Variants in MCTP1 observed in about 807,000 individuals in gnomAD.
The protein encoded by MCTP1 is multiple C2 and transmembrane domain-containing protein 1.
Under a neutral mutation model 120.6 loss-of-function variants are expected in MCTP1, and 69 were observed. That is an observed-to-expected ratio of 0.57 (90% CI 0.47 to 0.70). MCTP1 has a LOEUF of 0.70. Among genes scored for constraint, MCTP1 ranks in the 30% least tolerant of loss-of-function variants. The pLI is 0.00. For missense variants in MCTP1, 1,203 were observed against 1,248.8 expected, an observed-to-expected ratio of 0.96 and a Z score of 0.55; for synonymous variants, 529 against 493.1, an observed-to-expected ratio of 1.07 and a Z score of -0.96.
intron 1 of MCTP1, among the ~76,000 whole-genome samples, chr5:95,214,487 C>T (rs1239687730): frequency 6.6e-6 from 1 of 152,098 alleles, no homozygotes; most frequent in Non-Finnish European, 1.5e-5. Context: ...ACTAGAAATA[C>T]CATTTGACCT....
At chr5:94,721,554 T>A (rs758529751) in intron 19 of MCTP1, among the ~76,000 whole-genome samples, 26 of 152,160 alleles carry the variant, frequency 1.7e-4, no homozygotes, top group Non-Finnish European at 3.2e-4. Flanking sequence ...GGGATAAAAT[T>A]TTCCTTTTAA....
Position 94,960,933 on chromosome 5 carries a change from A to G in MCTP1, c.839-7572T>C, listed in dbSNP as rs569151502. Among the ~76,000 whole-genome samples, 6 of 152,302 alleles carry G rather than the reference A, an allele frequency of 3.9e-5. No individual in the cohort carries two copies. In the South Asian group the frequency reaches 1.2e-3, roughly 32 times the overall value. ...AATCCTATTACTGGGTATATACCCA[A>G]AGGATTATAAATCATTCTACTATAA... On this transcript the variant is annotated intron_variant, in intron 2 of 22. Transcript: ENST00000515393.
chr5:94,910,206 A>G (rs1311018254), intron 9 of MCTP1, among the ~76,000 whole-genome samples: 1 of 151,574 alleles, frequency 6.6e-6, no homozygotes, highest in Non-Finnish European at 1.5e-5. Context: ...ATATGTATAT[A>G]TACATATATG....
chr5:95,274,863 T>C (rs952949031), intron 1 of MCTP1, among the ~76,000 whole-genome samples: 2 of 152,088 alleles, frequency 1.3e-5, no homozygotes, highest in South Asian at 4.1e-4. Flanking sequence ...GACCTCGTGA[T>C]CCGCCCGCCT....
chr5:95,204,629 A>C (rs560395483), intron 1 of MCTP1, among the ~76,000 whole-genome samples: 4 of 152,316 alleles, frequency 2.6e-5, no homozygotes, highest in African/African-American at 7.2e-5. Context: ...GAAAACCCTA[A>C]GGAATCCACT....
chr5:95,047,451 T>G lies in MCTP1; in HGVS notation c.721-29967A>C, dbSNP rs983353197. Among the ~76,000 whole-genome samples, 3 of 152,126 alleles carry G rather than the reference T, an allele frequency of 2.0e-5. No homozygotes were observed. In the South Asian group the frequency reaches 6.2e-4, roughly 32 times the overall value. ...AGCCCTTAATTGGTAATACATGGTG[T>G]GTCATGACTGCCTGACCACTACTGA... On this transcript the variant is annotated intron_variant, in intron 1 of 22. Transcript: ENST00000515393.
chr5:95,213,075 T>C (rs1752592409), intron 1 of MCTP1, among the ~76,000 whole-genome samples: 1 of 152,124 alleles, frequency 6.6e-6, no homozygotes, highest in Non-Finnish European at 1.5e-5. Context: ...AGTCAAATTG[T>C]CCCTGTTTGC....
chr5:95,249,690 A>G (rs983901762), intron 1 of MCTP1, among the ~76,000 whole-genome samples: 2 of 152,206 alleles, frequency 1.3e-5, no homozygotes, highest in Non-Finnish European at 2.9e-5. Flanking sequence ...TCATGCTACT[A>G]TAAAGACTCT....
At chr5:95,038,450 C>T (rs531501861) in intron 1 of MCTP1, among the ~76,000 whole-genome samples, 9 of 152,122 alleles carry the variant, frequency 5.9e-5, no homozygotes, top group Non-Finnish European at 1.2e-4. Context: ...ATCTATAGTG[C>T]AGAAGAATTC....
At chr5:95,104,175 C>A (rs72779440) in intron 1 of MCTP1, among the ~76,000 whole-genome samples, 7,568 of 152,210 alleles carry the variant, frequency 0.05, 237 homozygotes, top group Non-Finnish European at 0.078. Context: ...AGACTTACCC[C>A]CCCTCCCAAG....
intron 17 of MCTP1, among the ~76,000 whole-genome samples, chr5:94,811,795 C>T (rs1361053953): frequency 6.6e-6 from 1 of 152,140 alleles, no homozygotes; most frequent in Non-Finnish European, 1.5e-5. Flanking sequence ...AGAAAAATCT[C>T]TCCTATCATT....
chr5:95,231,899 C>T (rs1754992793), intron 1 of MCTP1, among the ~76,000 whole-genome samples: 1 of 152,032 alleles, frequency 6.6e-6, no homozygotes, highest in African/African-American at 2.4e-5. Flanking sequence ...TGAAAGTAGA[C>T]TTTGATGGGA....
intron 17 of MCTP1, among the ~76,000 whole-genome samples, chr5:94,866,545 TC>T (rs1796847652): frequency 3.6e-5 from 3 of 84,342 alleles, no homozygotes; most frequent in Non-Finnish European, 7.5e-5. Context: ...CCTGATTCCC[TC>T]TTTTTTTTTT....
intron 19 of MCTP1, among the ~76,000 whole-genome samples, chr5:94,769,170 C>A (rs369977004): frequency 6.6e-6 from 1 of 151,936 alleles, no homozygotes; most frequent in African/African-American, 2.4e-5. Flanking sequence ...CACTCATCTG[C>A]GGGAGCTAAA....
At chr5:95,045,984 T>C (rs75511484) in intron 1 of MCTP1, among the ~76,000 whole-genome samples, 2,314 of 152,262 alleles carry the variant, frequency 0.015, 24 homozygotes, top group Non-Finnish European at 0.025. Flanking sequence ...TCATGCTTCA[T>C]TGGGCTCTGA....
At chr5:95,233,127 T>C (rs1051789305) in intron 1 of MCTP1, among the ~76,000 whole-genome samples, 8 of 152,186 alleles carry the variant, frequency 5.3e-5, no homozygotes, top group African/African-American at 1.9e-4. Context: ...TTGAACATTA[T>C]ATCCAACACT....
chr5:95,139,209 A>G (rs1759707530), intron 1 of MCTP1, among the ~76,000 whole-genome samples: 1 of 152,218 alleles, frequency 6.6e-6, no homozygotes, highest in Non-Finnish European at 1.5e-5. Flanking sequence ...TAATGGATGC[A>G]TGCTAATTGC....
chr5:95,245,117 G>A (rs1484169629), intron 1 of MCTP1, among the ~76,000 whole-genome samples: 2 of 152,070 alleles, frequency 1.3e-5, no homozygotes, highest in Non-Finnish European at 2.9e-5. Flanking sequence ...CAAACAGAAA[G>A]GAATAGCATC....
At chr5:94,735,497 G>C (rs1185522715) in intron 19 of MCTP1, among the ~76,000 whole-genome samples, 1 of 151,984 alleles carries the variant, frequency 6.6e-6, no homozygotes, top group Non-Finnish European at 1.5e-5. Context: ...GGCTGGTCTT[G>C]AACTTCCAGG....
Sources: gnomAD v4.1 joint callset for allele counts (sites outside exome capture counted in the v4.1 genomes callset) on GRCh38, gnomAD v4.1.1 for gene constraint, MANE v1.5 for transcripts, NCBI Gene and HGNC (gene_info 2026-07-23, HGNC 2026-07-21) for gene names.